The following MAD1L1 variants were observed in gnomAD, a reference collection of about 807,000 sequenced individuals.
MAD1L1 encodes the protein mitotic spindle assembly checkpoint protein MAD1.
In MAD1L1, 95 loss-of-function variants were observed where a neutral mutation model predicts 96.9. The ratio of observed to expected loss-of-function variants is 0.98; its 90% CI spans 0.83 to 1.16. MAD1L1 has a LOEUF of 1.16. Ranked by LOEUF, MAD1L1 falls within the 50% of genes most tolerant of loss-of-function variation. The probability of loss-of-function intolerance (pLI) is 0.00; values close to 1 mark genes in which losing one functional copy is unlikely to be tolerated. For synonymous variants in MAD1L1, 473 were observed against 396.6 expected, an observed-to-expected ratio of 1.19 and a Z score of -2.29; for missense variants, 1,007 against 954.4, an observed-to-expected ratio of 1.06 and a Z score of -0.73.
At chr7:2,060,052 C>T (rs940723159) in intron 12 of MAD1L1, among the ~76,000 whole-genome samples, 2 of 151,768 alleles carry the variant, frequency 1.3e-5, no homozygotes, top group African/African-American at 2.4e-5. Context: ...CCGAGATACA[C>T]CGATGCCGAG....
intron 15 of MAD1L1, among the ~76,000 whole-genome samples, chr7:1,977,280 C>T (rs375355987): frequency 9.8e-5 from 15 of 152,358 alleles, no homozygotes; most frequent in African/African-American, 3.6e-4. Context: ...GGCTGAGGCC[C>T]AGTGAGAATT....
intron 18 of MAD1L1, chr7:1,847,411 G>A (rs1314101414): frequency 4.2e-6 from 2 of 470,658 alleles, no homozygotes; most frequent in Admixed American, 2.3e-5. Context: ...TGGGGGGCCC[G>A]ATGTATCTAC....
intron 13 of MAD1L1, among the ~76,000 whole-genome samples, chr7:2,004,550 C>A (rs1474248805): frequency 6.6e-6 from 1 of 152,240 alleles, no homozygotes; most frequent in Non-Finnish European, 1.5e-5. Context: ...GAGGCCCGGA[C>A]CAACCACGCT....
chr7:2,200,947 A>T (rs1182356257), intron 10 of MAD1L1, among the ~76,000 whole-genome samples: 1 of 151,444 alleles, frequency 6.6e-6, no homozygotes, highest in African/African-American at 2.4e-5. Flanking sequence ...ACAGCTCAGG[A>T]TCTCCTGTTC....
chr7:1,915,928 T>C (rs1788360094), intron 17 of MAD1L1, among the ~76,000 whole-genome samples: 1 of 152,194 alleles, frequency 6.6e-6, no homozygotes. Flanking sequence ...TTCATCGAGA[T>C]TTAAAACTGC....
intron 18 of MAD1L1, chr7:1,849,266 A>G (rs1783831088): frequency 6.6e-6 from 1 of 152,150 alleles, no homozygotes; most frequent in Admixed American, 6.5e-5. Flanking sequence ...CCCCTCATCC[A>G]TGTCCTCGTT....
chr7:1,850,795 T>G lies in MAD1L1; in HGVS notation c.1999-34567A>C, dbSNP rs1253877163. Among the ~76,000 whole-genome samples the G allele has an allele frequency of 2.6e-5, 4 of 152,136 alleles. 1 individual carries two copies. Among genetic ancestry groups the G allele is most frequent in the African/African-American group, 9.7e-5 (4 of 41,432 alleles). On this transcript the variant is annotated intron_variant, in intron 18 of 18. Coordinates refer to ENST00000265854, the MANE Select transcript of MAD1L1 (RefSeq NM_001013836.2). ...AGTGATTGCGACAACAGCAAACACATGTTCACTGCAGGCCAGACCGTGCAC... is the reference window on the plus strand; with the variant it reads ...AGTGATTGCGACAACAGCAAACACAGGTTCACTGCAGGCCAGACCGTGCAC...
At chr7:2,001,971 C>T (rs976514348) in intron 14 of MAD1L1, 94 bp downstream of exon 14, 64 of 1,326,978 alleles carry the variant, frequency 4.8e-5, no homozygotes, top group Admixed American at 1.2e-4. Flanking sequence ...CATGCACTGG[C>T]GCCTGCAGCC....
chr7:2,003,232 G>A (rs1781884583), intron 13 of MAD1L1, among the ~76,000 whole-genome samples: 1 of 152,236 alleles, frequency 6.6e-6, no homozygotes, highest in Non-Finnish European at 1.5e-5. Flanking sequence ...GTCACCAGGA[G>A]AAACGGGAGA....
intron 12 of MAD1L1, among the ~76,000 whole-genome samples, chr7:2,048,623 G>A (rs750126223): frequency 1.2e-4 from 19 of 152,222 alleles, no homozygotes; most frequent in Non-Finnish European, 2.4e-4. Flanking sequence ...CCAGGAAGGG[G>A]CTGTCCCATA....
intron 11 of MAD1L1, among the ~76,000 whole-genome samples, chr7:2,129,052 C>T (rs764717253): frequency 6.6e-5 from 10 of 152,190 alleles, no homozygotes; most frequent in Non-Finnish European, 1.3e-4. Context: ...ACGACCCCAC[C>T]ACGAGGACAA....
At chr7:2,203,459 C>T (rs959447003) in intron 10 of MAD1L1, among the ~76,000 whole-genome samples, 2 of 152,218 alleles carry the variant, frequency 1.3e-5, no homozygotes, top group Non-Finnish European at 2.9e-5. Context: ...GGCGGTGTGG[C>T]ACCAGCTAGG....
intron 11 of MAD1L1, among the ~76,000 whole-genome samples, chr7:2,124,780 C>G (rs1222680806): frequency 6.6e-6 from 1 of 152,176 alleles, no homozygotes; most frequent in Non-Finnish European, 1.5e-5. Flanking sequence ...GGGAGAAACT[C>G]TGAATTCAGG....
rs11973926 is a variant in MAD1L1 at position 1,873,763 on chromosome 7, G to A, written c.1998+24437C>T. On this transcript the variant is annotated intron_variant, in intron 18 of 18. Coordinates refer to ENST00000265854, the MANE Select transcript of MAD1L1 (RefSeq NM_001013836.2). ...ACCCCTGATGGACACCCCCACCGAA[G>A]CCCAAGCTGGCCCTGAAGCCCAGTG... Among the ~76,000 whole-genome samples the A allele has an allele frequency of 4.1e-3, 622 of 151,978 alleles. 3 individuals carry two copies. Among genetic ancestry groups the A allele is most frequent in the African/African-American group, 0.014 (589 of 41,442 alleles).
At chr7:2,047,267 A>G (rs1329627612) in intron 12 of MAD1L1, among the ~76,000 whole-genome samples, 1 of 152,122 alleles carries the variant, frequency 6.6e-6, no homozygotes, top group African/African-American at 2.4e-5. Context: ...GCTGCGTAAC[A>G]AGCTGCAGAA....
intron 14 of MAD1L1, among the ~76,000 whole-genome samples, chr7:1,995,323 C>G (rs746452178): frequency 6.6e-6 from 1 of 152,188 alleles, no homozygotes; most frequent in South Asian, 2.1e-4. Context: ...TGAGGAAGAT[C>G]AGGCCCCTGT....
chr7:2,169,996 C>G (rs533718122), intron 10 of MAD1L1, among the ~76,000 whole-genome samples: 1 of 152,334 alleles, frequency 6.6e-6, no homozygotes, highest in South Asian at 2.1e-4. Context: ...AGACAGGATG[C>G]AGATAAACCC....
chr7:1,968,169 G>A lies in MAD1L1; in HGVS notation c.1506-10450C>T, dbSNP rs943057346. Among the ~76,000 whole-genome samples, 3 of 152,368 alleles carry A rather than the reference G, an allele frequency of 2.0e-5. No homozygotes were observed. Among genetic ancestry groups the A allele is most frequent in the South Asian group, 4.1e-4 (2 of 4,832 alleles). On this transcript the variant is annotated intron_variant, in intron 15 of 18. Transcript: ENST00000265854. The surrounding 1 kb of genome is among the most constrained non-coding windows in gnomAD (Gnocchi z 5.6). ...GACTGGAGAAAGTGCAAACAGCTTC[G>A]CGGACGAGGCACCCGGCAGAGCACG...
intron 16 of MAD1L1, among the ~76,000 whole-genome samples, chr7:1,953,780 A>G (rs1157555938): frequency 6.6e-6 from 1 of 152,248 alleles, no homozygotes; most frequent in East Asian, 1.9e-4. Flanking sequence ...CAAATGCTGA[A>G]AAAACCCAAC....
Sources: gnomAD v4.1 joint callset for allele counts (sites outside exome capture counted in the v4.1 genomes callset) on GRCh38, gnomAD v4.1.1 for gene constraint, Gnocchi (gnomAD v3.1) non-coding constraint, MANE v1.5 for transcripts, NCBI Gene and HGNC (gene_info 2026-07-23, HGNC 2026-07-21) for gene names.